Variants in PDE10A observed in about 807,000 individuals in gnomAD.
PDE10A encodes cAMP and cAMP-inhibited cGMP 3',5'-cyclic phosphodiesterase 10A.
Under a neutral mutation model 97.7 loss-of-function variants are expected in PDE10A, and 39 were observed. The ratio of observed to expected loss-of-function variants is 0.40; its 90% CI spans 0.31 to 0.52. PDE10A has a LOEUF of 0.52. PDE10A is among the 20% of genes least tolerant of loss of function. The probability of loss-of-function intolerance (pLI) is 0.56; values close to 1 mark genes in which losing one functional copy is unlikely to be tolerated. For synonymous variants in PDE10A, 371 were observed against 376.8 expected, an observed-to-expected ratio of 0.98 and a Z score of 0.18; for missense variants, 731 against 1,047.8, an observed-to-expected ratio of 0.70 and a Z score of 4.17.
At chr6:165,424,256 C>T (rs1270989729) in intron 10 of PDE10A, among the ~76,000 whole-genome samples, 1 of 152,196 alleles carries the variant, frequency 6.6e-6, no homozygotes, top group Non-Finnish European at 1.5e-5. Flanking sequence ...ATAGGCCTGA[C>T]TCTGACTAGT....
intron 1 of PDE10A, among the ~76,000 whole-genome samples, chr6:165,550,844 T>TA (rs1240455155): frequency 6.6e-6 from 1 of 152,142 alleles, no homozygotes; most frequent in Non-Finnish European, 1.5e-5. Flanking sequence ...GAAAATCCAA[T>TA]AACTTTACAG....
chr6:165,360,888 A>G (rs902813702), intron 18 of PDE10A, among the ~76,000 whole-genome samples: 1 of 152,136 alleles, frequency 6.6e-6, no homozygotes, highest in East Asian at 1.9e-4. Context: ...GGGTACACCA[A>G]TGCTGTCCCC....
chr6:165,405,799 G>C (rs1360208123), intron 13 of PDE10A, among the ~76,000 whole-genome samples: 1 of 152,132 alleles, frequency 6.6e-6, no homozygotes, highest in Non-Finnish European at 1.5e-5. Context: ...GGAGGGCCTA[G>C]TGTCATAGCT....
chr6:165,855,161 C>T (rs910348738), intron 1 of PDE10A, among the ~76,000 whole-genome samples: 3 of 152,110 alleles, frequency 2.0e-5, no homozygotes, highest in African/African-American at 7.2e-5. Flanking sequence ...CCCTTTCCCG[C>T]GGGGCCCACA....
At chr6:165,384,627 A>AGTGT (rs1211089384) in intron 17 of PDE10A, among the ~76,000 whole-genome samples, 1 of 60,664 alleles carries the variant, frequency 1.6e-5, no homozygotes, top group Non-Finnish European at 2.8e-5. Context: ...TGTATGTGTG[A>AGTGT]GTGAGTGTGT....
intron 2 of PDE10A, among the ~76,000 whole-genome samples, chr6:165,488,254 A>G (rs1780031328): frequency 6.6e-6 from 1 of 152,188 alleles, no homozygotes; most frequent in South Asian, 2.1e-4. Context: ...CTTGTTAAAG[A>G]GAAATTTAGT....
At chr6:165,465,383 A>G (rs1307941071) in intron 3 of PDE10A, among the ~76,000 whole-genome samples, 1 of 152,232 alleles carries the variant, frequency 6.6e-6, no homozygotes, top group Non-Finnish European at 1.5e-5. Flanking sequence ...ATTCACCCTG[A>G]GTCTATCCTA....
intron 1 of PDE10A, among the ~76,000 whole-genome samples, chr6:165,849,908 C>A (rs564399692): frequency 6.6e-6 from 1 of 152,188 alleles, no homozygotes; most frequent in Non-Finnish European, 1.5e-5. Flanking sequence ...AAGCAGCCCA[C>A]GTACTTTCTG....
At chr6:165,912,050 T>C (rs1171214148) in intron 1 of PDE10A, among the ~76,000 whole-genome samples, 1 of 152,024 alleles carries the variant, frequency 6.6e-6, no homozygotes, top group Non-Finnish European at 1.5e-5. Flanking sequence ...TATCTCTATC[T>C]CTATTATCTG....
At chr6:165,714,447 A>G (rs190413421) in intron 1 of PDE10A, among the ~76,000 whole-genome samples, 1 of 152,334 alleles carries the variant, frequency 6.6e-6, no homozygotes, top group East Asian at 1.9e-4. Context: ...CACCAAAGCC[A>G]AGCTTTCTTT....
intron 1 of PDE10A, among the ~76,000 whole-genome samples, chr6:165,783,698 C>A (rs561264619): frequency 2.0e-5 from 3 of 152,178 alleles, no homozygotes; most frequent in Admixed American, 2.0e-4. Context: ...CCTTACCAGC[C>A]GTTACTAGCC....
chr6:165,478,883 G>T (rs1201226317), intron 3 of PDE10A, among the ~76,000 whole-genome samples: 2 of 152,090 alleles, frequency 1.3e-5, no homozygotes, highest in Non-Finnish European at 2.9e-5. Context: ...TCAACTAATT[G>T]CCCATCAGAA....
intron 19 of PDE10A, 50 bp downstream of exon 19, chr6:165,343,341 C>T (rs371436750): frequency 1.6e-5 from 19 of 1,212,500 alleles, no homozygotes; most frequent in South Asian, 7.2e-5. Flanking sequence ...TTGATCCATA[C>T]GTTTTATTTC....
At chr6:165,980,590 T>C (rs1440136101) in intron 1 of PDE10A, among the ~76,000 whole-genome samples, 2 of 152,198 alleles carry the variant, frequency 1.3e-5, no homozygotes, top group Non-Finnish European at 2.9e-5. Context: ...ACAGGATACT[T>C]GTGTCTGTAT....
At chr6:165,746,430 G>A (rs997525059) in intron 1 of PDE10A, among the ~76,000 whole-genome samples, 1 of 152,216 alleles carries the variant, frequency 6.6e-6, no homozygotes, top group Non-Finnish European at 1.5e-5. Flanking sequence ...TGCCACCACG[G>A]TTCACATTCT....
chr6:165,655,049 C>G lies in PDE10A; in HGVS notation c.865+6898G>C, dbSNP rs1404388377. On this transcript the variant is annotated intron_variant, in intron 1 of 21. Transcript: ENST00000539869. The surrounding 1 kb of genome is among the most constrained non-coding windows in gnomAD (Gnocchi z 4.5). ...TGTTGCAGAGTCCAAATCTCTCTTT[C>G]TACTCCGGCTCATAGCACAGAATTC... is the stretch of plus-strand genomic sequence containing the variant. Among the ~76,000 whole-genome samples the G allele has an allele frequency of 6.6e-6, 1 of 152,222 alleles. No homozygotes were observed. Among genetic ancestry groups the G allele is most frequent in the African/African-American group, 2.4e-5 (1 of 41,460 alleles).
At chr6:165,939,358 C>T (rs1783438341) in intron 1 of PDE10A, 5 of 152,178 alleles carry the variant, frequency 3.3e-5, no homozygotes, top group Non-Finnish European at 7.3e-5. Context: ...TGGAATTCCA[C>T]ATTTTTACAT....
At chr6:165,610,448 G>T (rs562915147) in intron 1 of PDE10A, among the ~76,000 whole-genome samples, 2 of 151,292 alleles carry the variant, frequency 1.3e-5, no homozygotes, top group Non-Finnish European at 2.9e-5. Context: ...GGAGAATAGC[G>T]TGAACCCAGG....
At chr6:165,383,828 G>A (rs1362317693) in intron 17 of PDE10A, among the ~76,000 whole-genome samples, 1 of 152,166 alleles carries the variant, frequency 6.6e-6, no homozygotes, top group Non-Finnish European at 1.5e-5. Flanking sequence ...CTATGTAAAA[G>A]GGGGCAGTGC....
Sources: allele counts gnomAD v4.1 joint callset (sites outside exome capture counted in the v4.1 genomes callset), GRCh38; gene constraint gnomAD v4.1.1; non-coding constraint Gnocchi (gnomAD v3.1); transcripts MANE v1.5; gene names NCBI Gene and HGNC (gene_info 2026-07-23, HGNC 2026-07-21).